The following GPC4 variants were observed in gnomAD, a reference collection of about 807,000 sequenced individuals.
GPC4 encodes glypican 4.
Under a neutral mutation model 35.0 loss-of-function variants are expected in GPC4, and 10 were observed. That is an observed-to-expected ratio of 0.29 (90% CI 0.18 to 0.48). The LOEUF (loss-of-function observed/expected upper bound fraction) is 0.48, where lower values mean the gene tolerates loss of function less well. Among genes scored for constraint, GPC4 ranks in the 20% least tolerant of loss-of-function variants. The probability of loss-of-function intolerance (pLI) is 0.99; values close to 1 mark genes in which losing one functional copy is unlikely to be tolerated. For missense variants in GPC4, 322 were observed against 451.3 expected (o/e 0.71, Z 2.60); for synonymous variants, 167 against 170.2 (o/e 0.98, Z 0.15).
intron 3 of GPC4, among the ~76,000 whole-genome samples, chrX:133,315,674 T>C (rs1329978094): frequency 1.8e-5 from 2 of 111,442 alleles, no homozygotes; most frequent in East Asian, 2.8e-4. Flanking sequence ...AACGAAAAGG[T>C]CTTCCTTTAA....
chrX:133,335,599 A>T (rs1002103348), intron 2 of GPC4, among the ~76,000 whole-genome samples: 1 of 111,691 alleles, frequency 9.0e-6, no homozygotes, highest in African/African-American at 3.3e-5. Context: ...TGGAGAAGGG[A>T]CTCATCTCTC....
chrX:133,345,577 C>T (rs972457852), intron 1 of GPC4, among the ~76,000 whole-genome samples: 1 of 112,121 alleles, frequency 8.9e-6, no homozygotes, highest in Admixed American at 9.4e-5. Context: ...TCACAGGTGG[C>T]CAACGGTTCA....
intron 1 of GPC4, among the ~76,000 whole-genome samples, chrX:133,355,985 T>C (rs1162897391): frequency 8.9e-6 from 1 of 111,948 alleles, no homozygotes; most frequent in Non-Finnish European, 1.9e-5. Flanking sequence ...TGCAGAACCA[T>C]GAGCCAATTA....
intron 3 of GPC4, among the ~76,000 whole-genome samples, chrX:133,315,167 T>C (rs1026736203): frequency 1.8e-5 from 2 of 108,677 alleles, no homozygotes; most frequent in African/African-American, 6.7e-5. Context: ...TGAGCATCCC[T>C]AAACCGAACA....
intron 1 of GPC4, among the ~76,000 whole-genome samples, chrX:133,413,210 T>G (rs898597101): frequency 1.8e-4 from 20 of 111,512 alleles, no homozygotes; most frequent in Middle Eastern, 4.6e-3. Context: ...ATCGTGCCGC[T>G]TTGAGGACAT....
At chrX:133,381,114 G>A (rs1441773948) in intron 1 of GPC4, among the ~76,000 whole-genome samples, 1 of 111,604 alleles carries the variant, frequency 9.0e-6, no homozygotes, top group African/African-American at 3.3e-5. Flanking sequence ...AAAATGGACA[G>A]GTGATAAAAG....
At chrX:133,365,437 G>T (rs2068585765) in intron 1 of GPC4, among the ~76,000 whole-genome samples, 1 of 111,699 alleles carries the variant, frequency 9.0e-6, no homozygotes, top group Non-Finnish European at 1.9e-5. Flanking sequence ...AGGGAGCTCA[G>T]AGTCTAATGT....
intron 1 of GPC4, among the ~76,000 whole-genome samples, chrX:133,343,125 A>T (rs1166388064): frequency 3.6e-5 from 4 of 111,931 alleles, no homozygotes; most frequent in Non-Finnish European, 7.5e-5. Flanking sequence ...GCACTTTTTA[A>T]CAAGGGCTCT....
At chrX:133,354,238 T>A (rs1289010695) in intron 1 of GPC4, among the ~76,000 whole-genome samples, 1 of 112,295 alleles carries the variant, frequency 8.9e-6, no homozygotes, top group Non-Finnish European at 1.9e-5. Flanking sequence ...AAAATAAACC[T>A]TCTCCTTTCA....
chrX:133,344,194 T>G (rs1358213403), intron 1 of GPC4, among the ~76,000 whole-genome samples: 2 of 3,369 alleles, frequency 5.9e-4, no homozygotes, highest in Non-Finnish European at 8.9e-4. Flanking sequence ...CTTTCTGGTT[T>G]TTTTTTTTTT....
intron 4 of GPC4, among the ~76,000 whole-genome samples, chrX:133,308,602 C>T (rs1353861225): frequency 9.0e-6 from 1 of 111,657 alleles, no homozygotes; most frequent in Admixed American, 9.5e-5. Context: ...TAAAGGGTCT[C>T]AATTCATGGC....
At chrX:133,414,522 A>AGGAGCGGAGGCGG (rs2068829160) in intron 1 of GPC4, 27 of 753,957 alleles carry the variant, frequency 3.6e-5, no homozygotes, top group Non-Finnish European at 4.1e-5. Context: ...GGGGGAGAGG[A>AGGAGCGGAGGCGG]GGAGCGGAGG....
At chrX:133,378,467 T>C (rs1189916558) in intron 1 of GPC4, among the ~76,000 whole-genome samples, 1 of 105,896 alleles carries the variant, frequency 9.4e-6, no homozygotes, top group Non-Finnish European at 1.9e-5. Flanking sequence ...GCTACTCTAC[T>C]CGGGAGGCTG....
intron 1 of GPC4, among the ~76,000 whole-genome samples, chrX:133,402,458 G>A (rs2068770476): frequency 8.9e-6 from 1 of 112,122 alleles, no homozygotes; most frequent in Non-Finnish European, 1.9e-5. Context: ...AACTAACAAA[G>A]TGGCTTTGCA....
intron 1 of GPC4, among the ~76,000 whole-genome samples, chrX:133,363,736 T>C (rs754155192): frequency 4.5e-5 from 5 of 111,286 alleles, no homozygotes; most frequent in Non-Finnish European, 9.4e-5. Flanking sequence ...AGTTTTAGTA[T>C]ATTCACAGGG....
chrX:133,397,818 T>C (rs1355324273), intron 1 of GPC4, among the ~76,000 whole-genome samples: 1 of 112,087 alleles, frequency 8.9e-6, no homozygotes, highest in Non-Finnish European at 1.9e-5. Context: ...CCCAGCACTT[T>C]GGGAGGCCAA....
At chrX:133,352,980 A>G (rs1331697023) in intron 1 of GPC4, among the ~76,000 whole-genome samples, 1 of 112,022 alleles carries the variant, frequency 8.9e-6, no homozygotes, top group African/African-American at 3.2e-5. Context: ...AAAAAAATTT[A>G]CTTCCTTAGA....
intron 1 of GPC4, among the ~76,000 whole-genome samples, chrX:133,379,893 A>G (rs992819665): frequency 1.2e-4 from 13 of 111,817 alleles, no homozygotes; most frequent in Non-Finnish European, 2.3e-4. Context: ...GACTACAGCA[A>G]TCCTAAATAG....
chrX:133,374,236 G>A (rs750198283), intron 1 of GPC4, among the ~76,000 whole-genome samples: 6 of 111,408 alleles, frequency 5.4e-5, no homozygotes, highest in South Asian at 3.9e-4. Flanking sequence ...AAACAAGCCT[G>A]CTCTTTATAC....
Sources: gnomAD v4.1 joint callset for allele counts (sites outside exome capture counted in the v4.1 genomes callset) on GRCh38, gnomAD v4.1.1 for gene constraint, MANE v1.5 for transcripts, NCBI Gene and HGNC (gene_info 2026-07-23, HGNC 2026-07-21) for gene names.